RRBP1: variants seen among roughly 807,000 people sequenced by gnomAD.
RRBP1 encodes ribosome binding protein 1.
RRBP1 carries 94 observed loss-of-function variants against 165.2 expected under a neutral mutation model. The ratio of observed to expected loss-of-function variants is 0.57; its 90% CI spans 0.48 to 0.68. The LOEUF (loss-of-function observed/expected upper bound fraction) is 0.68. Ranked by LOEUF, RRBP1 falls within the 30% of genes least tolerant of loss-of-function variation. RRBP1 has a pLI of 0.00. For synonymous variants in RRBP1, 680 were observed against 714.5 expected, an observed-to-expected ratio of 0.95 and a Z score of 0.77; for missense variants, 1,676 against 1,763.0, an observed-to-expected ratio of 0.95 and a Z score of 0.88.
chr20:17,658,641 C>G lies in RRBP1; in HGVS notation c.1867G>C (p.Ala623Pro). The change falls in exon 3 of 25, where the codon GCT becomes CCT. Residue 623 changes from alanine to proline, a missense_variant. By Grantham distance (27) the Ala-to-Pro change is conservative. Transcript: ENST00000377813. ...AQSPEAPKQEAPAKKKSGSKK... is the reference protein window; with the variant it reads ...AQSPEAPKQEPPAKKKSGSKK... ...GAACCAGACTTCTTCTTGGCAGGAG[C>G]CTCTTGCTTTGGTGCCTCTGGGCTC... 1.2e-6 allele frequency: 2 copies of G among 1,610,840 alleles called. No homozygotes were observed. The highest frequency in any genetic ancestry group is 1.1e-5 in the South Asian group (1 of 90,710).
In RRBP1 at chr20:17,627,526, G is replaced by A. The variant is rs550361889; in HGVS notation, c.2906C>T (p.Ala969Val). 3.5e-5 allele frequency: 57 copies of A among 1,611,558 alleles called. No individual in the cohort carries two copies. The highest frequency in any genetic ancestry group is 2.0e-4 in the South Asian group (18 of 90,794). Residue 969 changes from alanine (A) to valine (V), a missense_variant, in exon 10 of 25, where the codon GCG becomes GTG. Ala to Val is a moderately conservative substitution (Grantham distance 64). Around this residue, in one of 5 missense-constraint regions of RRBP1, gnomAD observed 1,184 missense variants for 1,167.1 expected, o/e 1.01. Transcript: ENST00000377813. The stretch of plus-strand genomic sequence containing the variant: ...GACCTGGACGTCCTGGGCATCCCGC[G>A]CCTGGCCCGCCTCCAGCAGGGCCTC... ...SIEALLEAGQ[A>V]RDAQDVQASQ...
At chr20:17,622,604 C>A (rs941779092) in intron 13 of RRBP1, among the ~76,000 whole-genome samples, 8 of 151,920 alleles carry the variant, frequency 5.3e-5, no homozygotes, top group Non-Finnish European at 1.2e-4. Context: ...TCGGACACCC[C>A]CTCAGTCCTC....
chr20:17,674,792 A>G (rs1213142930), intron 2 of RRBP1, among the ~76,000 whole-genome samples: 2 of 152,168 alleles, frequency 1.3e-5, no homozygotes, highest in African/African-American at 4.8e-5. Flanking sequence ...CCCCTAAGGA[A>G]CATTCTTGCC....
chr20:17,644,395 A>G (rs2036425850), intron 3 of RRBP1, among the ~76,000 whole-genome samples: 1 of 152,240 alleles, frequency 6.6e-6, no homozygotes, highest in African/African-American at 2.4e-5. Context: ...ATGCACACAC[A>G]AGAGAAAATT....
At chr20:17,621,209 C>T (rs186114652) in intron 16 of RRBP1, among the ~76,000 whole-genome samples, 50 of 152,292 alleles carry the variant, frequency 3.3e-4, no homozygotes, top group African/African-American at 1.2e-3. Flanking sequence ...AGCTGCTTAC[C>T]CCGTCCTTCC....
At chr20:17,681,292 C>G (rs2037180127) in intron 1 of RRBP1, among the ~76,000 whole-genome samples, 1 of 148,296 alleles carries the variant, frequency 6.7e-6, no homozygotes, top group Non-Finnish European at 1.5e-5. Flanking sequence ...ACGGTGGCCC[C>G]GGCCCCGCCG....
chr20:17,663,274 T>G (rs998796840), intron 2 of RRBP1, among the ~76,000 whole-genome samples: 2 of 152,108 alleles, frequency 1.3e-5, no homozygotes, highest in African/African-American at 4.8e-5. Context: ...ACTTCTAAAC[T>G]CCAGCAGAAA....
At chr20:17,673,361 C>T (rs554339580) in intron 2 of RRBP1, among the ~76,000 whole-genome samples, 18 of 152,324 alleles carry the variant, frequency 1.2e-4, no homozygotes, top group Admixed American at 5.2e-4. Flanking sequence ...GTGGGACCCA[C>T]AGCCCTTTAT....
intron 7 of RRBP1, among the ~76,000 whole-genome samples, chr20:17,634,307 A>G (rs1306765011): frequency 6.6e-6 from 1 of 152,188 alleles, no homozygotes; most frequent in Admixed American, 6.5e-5. Context: ...CCTGGGACGC[A>G]GCACCAGGCC....
intron 2 of RRBP1, among the ~76,000 whole-genome samples, chr20:17,674,133 G>A (rs2037029677): frequency 6.6e-6 from 1 of 152,166 alleles, no homozygotes; most frequent in Admixed American, 6.5e-5. Flanking sequence ...CACACCACCT[G>A]GGTTTGAACA....
chr20:17,626,795 C>T (rs917647819), intron 11 of RRBP1, among the ~76,000 whole-genome samples: 2 of 152,230 alleles, frequency 1.3e-5, no homozygotes, highest in African/African-American at 2.4e-5. Flanking sequence ...AAACACTCCC[C>T]GAACATGGCC....
rs372699243 is a variant in RRBP1, at chr20:17,641,852, G to C, written c.2129C>G (p.Ala710Gly). Residue 710 changes from alanine (A) to glycine (G), a missense_variant, in exon 5 of 25, where the codon GCC becomes GGC. Physicochemically the swap from Ala to Gly is moderately conservative, Grantham distance 60. Around this residue, in one of 5 missense-constraint regions of RRBP1, gnomAD observed 1,184 missense variants for 1,167.1 expected, o/e 1.01. Coordinates refer to ENST00000377813, the MANE Select transcript of RRBP1 (RefSeq NM_001365613.2). Reference protein sequence around the residue: ...RQLEEKEKLLATEQEDAAVAK... With the variant: ...RQLEEKEKLLGTEQEDAAVAK... ...GACAGCCGCATCTTCCTGTTCTGTG[G>C]CCAGCAGTTTTTCCTTCTCTTCCAG... 8.7e-6 allele frequency: 14 copies of C among 1,613,918 alleles called. No individual in the cohort carries two copies. Among genetic ancestry groups the C allele is most frequent in the Non-Finnish European group, 1.1e-5 (13 of 1,180,008 alleles).
chr20:17,645,889 C>T lies in RRBP1; in HGVS notation c.1913-2762G>A, dbSNP rs549060558. Among the ~76,000 whole-genome samples, 274 of 152,326 alleles carry T rather than the reference C, an allele frequency of 1.8e-3. 4 individuals carry two copies. Among genetic ancestry groups the T allele is most frequent in the Middle Eastern group, 3.4e-3 (1 of 294 alleles). On this transcript the variant is annotated intron_variant, in intron 3 of 24. Transcript: ENST00000377813. ...AAGCTCAGCTCCCTGAGGGCTTGCTCCTGCGGCTAACGCTTTGCCCATCTT... is the reference window on the plus strand; with the variant it reads ...AAGCTCAGCTCCCTGAGGGCTTGCTTCTGCGGCTAACGCTTTGCCCATCTT...
rs544328469 is a variant in RRBP1, at chr20:17,624,508, G to A, written c.3147+68C>T. On this transcript the variant is annotated intron_variant, in intron 13 of 24. Transcript: ENST00000377813. The stretch of plus-strand genomic sequence containing the variant: ...ATCTGGTGTCCTAGTGCATCTGTAC[G>A]TCTTAGTGCATTTGTGCATCCTAGT... 3.0e-5 allele frequency: 31 copies of A among 1,035,794 alleles called. 1 individual carries two copies. Among genetic ancestry groups the A allele is most frequent in the South Asian group, 2.2e-4 (16 of 73,970 alleles). The allele number at this position is 1,035,794 out of a possible 1,614,324, so 64.2% of individuals were successfully genotyped here.
In RRBP1 at chr20:17,649,482, C is replaced by T. The variant is rs1028882657; in HGVS notation, c.1913-6355G>A. 3.9e-5 allele frequency among the ~76,000 whole-genome samples: 6 copies of T among 151,934 alleles called. No homozygotes were observed. In the East Asian group the frequency reaches 7.8e-4, roughly 20 times the overall value. Reference sequence around the variant, plus strand: ...ATGGAAACCAGCCTCCTAAACTGCACATCTGAACAAACACCTGGCTGGGGA... The same window carrying T: ...ATGGAAACCAGCCTCCTAAACTGCATATCTGAACAAACACCTGGCTGGGGA... On this transcript the variant is annotated intron_variant, in intron 3 of 24. Coordinates refer to ENST00000377813, the MANE Select transcript of RRBP1 (RefSeq NM_001365613.2).
In RRBP1 at chr20:17,660,309, C is replaced by G; in HGVS notation, c.199G>C (p.Glu67Gln). 1.2e-6 allele frequency: 2 copies of G among 1,609,572 alleles called. No homozygotes were observed. The highest frequency in any genetic ancestry group is 8.5e-7 in the Non-Finnish European group (1 of 1,177,428). ...VEKKKKEKTV[E>Q]KKGKTKKKEE... ...TTTTTCTTGGTCTTTCCTTTCTTCT[C>G]CACTGTTTTCTCCTTCTTTTTCTTC... Residue 67 changes from glutamate to glutamine, a missense_variant, in exon 3 of 25, where the codon GAG becomes CAG. Around this residue, in one of 5 missense-constraint regions of RRBP1, gnomAD observed 392 missense variants for 382.5 expected, o/e 1.02. Coordinates refer to ENST00000377813, the MANE Select transcript of RRBP1 (RefSeq NM_001365613.2).
At chr20:17,660,824 C>T (rs2036752179) in intron 2 of RRBP1, among the ~76,000 whole-genome samples, 1 of 152,078 alleles carries the variant, frequency 6.6e-6, no homozygotes, top group South Asian at 2.1e-4. Flanking sequence ...CAGCCATGAC[C>T]CTGATGCAAG....
At chr20:17,638,305 C>T (rs893028354) in intron 5 of RRBP1, among the ~76,000 whole-genome samples, 2 of 152,214 alleles carry the variant, frequency 1.3e-5, no homozygotes, top group East Asian at 1.9e-4. Flanking sequence ...TCCAGCCTTG[C>T]GAAGAAACCA....
chr20:17,667,993 ACTGT>A (rs2036902342), intron 2 of RRBP1, among the ~76,000 whole-genome samples: 1 of 152,184 alleles, frequency 6.6e-6, no homozygotes, highest in Non-Finnish European at 1.5e-5. Context: ...TTAGAAACAC[ACTGT>A]CAGTCTATTT....
Sources: gnomAD v4.1 joint callset for allele counts (sites outside exome capture counted in the v4.1 genomes callset) on GRCh38, gnomAD v4.1.1 for gene constraint, gnomAD v4.1.1 regional missense constraint, MANE v1.5 for transcripts, NCBI Gene and HGNC (gene_info 2026-07-23, HGNC 2026-07-21) for gene names.